The following PTTG1IP variants were observed in gnomAD, a reference collection of about 807,000 sequenced individuals.
PTTG1IP encodes the protein PTTG1 interacting protein.
Under a neutral mutation model 24.4 loss-of-function variants are expected in PTTG1IP, and 16 were observed. The ratio of observed to expected loss-of-function variants is 0.66; its 90% confidence interval spans 0.44 to 1.00. The LOEUF (loss-of-function observed/expected upper bound fraction) is 1.00, where lower values mean the gene tolerates loss of function less well. PTTG1IP is among the 50% of genes least tolerant of loss of function. PTTG1IP has a pLI of 0.00. For missense variants in PTTG1IP, 241 were observed against 245.8 expected (o/e 0.98, Z 0.13); for synonymous variants, 89 against 96.8 (o/e 0.92, Z 0.47).
chr21:44,858,411 G>A (rs956468384), intron 3 of PTTG1IP, among the ~76,000 whole-genome samples: 1 of 152,188 alleles, frequency 6.6e-6, no homozygotes, highest in Admixed American at 6.5e-5. Context: ...CTCTGCTCCC[G>A]TGGGCAAGGC....
chr21:44,859,906 A>C (rs1177973971), intron 3 of PTTG1IP, among the ~76,000 whole-genome samples: 1 of 152,242 alleles, frequency 6.6e-6, no homozygotes, highest in African/African-American at 2.4e-5. Context: ...GGGATCCAAG[A>C]TGCAAATAAA....
rs749966446 is a variant in PTTG1IP at position 44,851,468 on chromosome 21, C to A, written c.*113G>T. On this transcript the variant is annotated 3_prime_UTR_variant, in exon 6 of 6. Transcript: ENST00000330938. Reference sequence around the variant, plus strand: ...CCGGCCGCCTGTCCTGGAAGGCTGGCAGGTTCACTGGCCAAGGTCAGGAGA... The same window carrying A: ...CCGGCCGCCTGTCCTGGAAGGCTGGAAGGTTCACTGGCCAAGGTCAGGAGA... The A allele has an allele frequency of 6.2e-7, 1 of 1,611,454 alleles. No individual in the cohort carries two copies. The highest frequency in any genetic ancestry group is 2.2e-5 in the East Asian group (1 of 44,872).
At chr21:44,867,259 C>T (rs891337006) in intron 1 of PTTG1IP, among the ~76,000 whole-genome samples, 5 of 152,302 alleles carry the variant, frequency 3.3e-5, no homozygotes, top group Middle Eastern at 3.4e-3. Context: ...CACTGTTCAG[C>T]GATAAAAAGA....
rs2083449750 is a variant in PTTG1IP at position 44,856,340 on chromosome 21, G to A, written c.302C>T (p.Thr101Ile). The A allele has an allele frequency of 1.9e-6, 3 of 1,613,626 alleles. No homozygotes were observed. Among genetic ancestry groups the A allele is most frequent in the Non-Finnish European group, 2.5e-6 (3 of 1,179,646 alleles). ...CWVNFEALII[T>I]MSVVGGTLLL... ...GAGGGTTCCCCCGACTACCGACATG[G>A]TGATGATCAGCGCCTCAAAGTTCAC... is the stretch of plus-strand genomic sequence containing the variant. The change falls in exon 4 of 6, where the codon ACC becomes ATC. Residue 101 changes from threonine (T) to isoleucine (I), a missense_variant. Coordinates refer to ENST00000330938, the MANE Select transcript of PTTG1IP (RefSeq NM_004339.4).
At position 44,861,399 on chromosome 21, in the gene PTTG1IP, T is replaced by G. The variant is rs235276; in HGVS notation, c.169-128A>C. 1.6e-4 allele frequency: 117 copies of G among 717,722 alleles called. No individual in the cohort carries two copies. The Admixed American group carries it at 1.8e-3, about 11-fold the overall frequency. 44.5% of individuals were successfully genotyped at this position (717,722 alleles called of 1,614,324 possible). A position where few individuals can be genotyped will look rare whatever the true frequency, so the allele number is the denominator to read the frequency against. On this transcript the variant is annotated intron_variant, in intron 2 of 5. Coordinates refer to ENST00000330938, the MANE Select transcript of PTTG1IP (RefSeq NM_004339.4). ...TGGCTGTAAAGGCTCAACCTCCCCC[T>G]CAACGCCTCATCTCTGCCTTCACCC...
intron 1 of PTTG1IP, among the ~76,000 whole-genome samples, chr21:44,872,435 G>A (rs1339861671): frequency 6.6e-6 from 1 of 152,190 alleles, no homozygotes; most frequent in Non-Finnish European, 1.5e-5. Context: ...AAAAGTATTA[G>A]CCCCTCAAGC....
chr21:44,853,538 A>G lies in PTTG1IP; in HGVS notation c.496+1672T>C, dbSNP rs1482140896. Among the ~76,000 whole-genome samples, 4 of 151,506 alleles carry G rather than the reference A, an allele frequency of 2.6e-5. No homozygotes were observed. In the East Asian group the frequency reaches 7.8e-4, roughly 29 times the overall value. The stretch of plus-strand genomic sequence containing the variant: ...AAAAAAAAAAAAAAAATTAGGTGCC[A>G]AAAAGCTCTTGACTCTTCCATTTCA... On this transcript the variant is annotated intron_variant, in intron 5 of 5. Coordinates refer to ENST00000330938, the MANE Select transcript of PTTG1IP (RefSeq NM_004339.4).
intron 1 of PTTG1IP, among the ~76,000 whole-genome samples, chr21:44,867,504 C>G (rs1366265081): frequency 6.6e-6 from 1 of 152,204 alleles, no homozygotes; most frequent in Non-Finnish European, 1.5e-5. Context: ...GTGTAACTCA[C>G]TGAACAGCAC....
intron 4 of PTTG1IP, 135 bp from the exon 5 acceptor site, chr21:44,855,391 C>G (rs369963677): frequency 1.2e-4 from 112 of 911,176 alleles, no homozygotes; most frequent in East Asian, 7.9e-4. Flanking sequence ...CAGAGTGAAA[C>G]CAGGGTGAGG....
chr21:44,870,483 G>A (rs543920944), intron 1 of PTTG1IP, among the ~76,000 whole-genome samples: 19 of 121,076 alleles, frequency 1.6e-4, no homozygotes, highest in African/African-American at 2.2e-4. Flanking sequence ...CTGACATCAC[G>A]CCACTGCACT....
chr21:44,861,241 G>C lies in PTTG1IP; in HGVS notation c.199C>G (p.Leu67Val), dbSNP rs751093743. ...AAGACGCTTGTAACTGGGTAGTCCA[G>C]ACAAGCCTTGTTAGTGTTGCACCAA... ...CLWCNTNKAC[L>V]DYPVTSVLPP... The change falls in exon 3 of 6, where the codon CTG (leucine) becomes GTG (valine). Residue 67 changes from leucine to valine, a missense_variant. By Grantham distance (32) the Leu-to-Val change is conservative. Transcript: ENST00000330938. 1 of 1,614,062 alleles carries C rather than the reference G, an allele frequency of 6.2e-7. No individual in the cohort carries two copies. Among genetic ancestry groups the C allele is most frequent in the Admixed American group, 1.7e-5 (1 of 60,026 alleles).
At chr21:44,855,813 G>A (rs963486344) in intron 4 of PTTG1IP, among the ~76,000 whole-genome samples, 2 of 152,116 alleles carry the variant, frequency 1.3e-5, no homozygotes, top group African/African-American at 2.4e-5. Context: ...CCAGGGAAAG[G>A]GCGACAGGAG....
intron 1 of PTTG1IP, among the ~76,000 whole-genome samples, chr21:44,867,884 T>C (rs982472518): frequency 2.0e-5 from 3 of 152,248 alleles, no homozygotes; most frequent in African/African-American, 4.8e-5. Context: ...ATACATCGAG[T>C]ACATTGTTGT....
intron 2 of PTTG1IP, 101 bp downstream of exon 2, chr21:44,865,294 A>C: frequency 8.4e-7 from 1 of 1,190,650 alleles, no homozygotes; most frequent in Non-Finnish European, 1.2e-6. Flanking sequence ...CAAACAACAG[A>C]GCCCTCCACA....
At chr21:44,860,350 AAAATAAATAAAT>A (rs542162032) in intron 3 of PTTG1IP, among the ~76,000 whole-genome samples, 1 of 152,118 alleles carries the variant, frequency 6.6e-6, no homozygotes, top group Non-Finnish European at 1.5e-5. Context: ...GCCCGTCTCA[AAAATAAATAAAT>A]AAATAAATAA....
chr21:44,865,817 T>C, intron 1 of PTTG1IP: 1 of 292,134 alleles, frequency 3.4e-6, no homozygotes, highest in Non-Finnish European at 6.5e-6. Flanking sequence ...GACCTTCTGC[T>C]CATCAGCAGG....
intron 1 of PTTG1IP, among the ~76,000 whole-genome samples, chr21:44,866,232 AGCCTACTCCCC>A (rs2083535780): frequency 4.9e-5 from 3 of 61,462 alleles, no homozygotes; most frequent in African/African-American, 1.4e-4. Flanking sequence ...ACACACACAC[AGCCTACTCCCC>A]CAATCCCATA....
chr21:44,856,297 G>A lies in PTTG1IP; in HGVS notation c.345C>T (p.Ile115=). 2 of 1,614,204 alleles carry A rather than the reference G, an allele frequency of 1.2e-6. No individual in the cohort carries two copies. The highest frequency in any genetic ancestry group is 1.7e-6 in the Non-Finnish European group (2 of 1,180,026). The change falls in exon 4 of 6, where the codon ATC becomes ATT. Residue 115 remains isoleucine, a synonymous_variant. Transcript: ENST00000330938. The part of the protein sequence containing the change: ...VGGTLLLGIA[I]CCCCCCRRKR... ...TCCTCCTGCAGCAGCAGCAGCAGCA[G>A]ATGGCAATGCCCAGGAGGAGGGTTC...
Position 44,856,357 on chromosome 21 carries a change from A to C in PTTG1IP, c.285T>G (p.Phe95Leu), listed in dbSNP as rs199732063. The C allele has an allele frequency of 6.2e-7, 1 of 1,611,424 alleles. No homozygotes were observed. The highest frequency in any genetic ancestry group is 2.2e-5 in the East Asian group (1 of 44,832). The change falls in exon 4 of 6, where the codon TTT (phenylalanine) becomes TTG (leucine). Residue 95 changes from phenylalanine to leucine, a missense_variant. By Grantham distance (22) the Phe-to-Leu change is conservative. Transcript: ENST00000330938. Reference sequence around the variant, plus strand: ...CCGACATGGTGATGATCAGCGCCTCAAAGTTCACTGGAGATTCAAGCACCT... The same window carrying C: ...CCGACATGGTGATGATCAGCGCCTCCAAGTTCACTGGAGATTCAAGCACCT... ...SARWGVCWVN[F>L]EALIITMSVV...
Sources: gnomAD v4.1 joint callset for allele counts (sites outside exome capture counted in the v4.1 genomes callset) on GRCh38, gnomAD v4.1.1 for gene constraint, MANE v1.5 for transcripts, NCBI Gene and HGNC (gene_info 2026-07-23, HGNC 2026-07-21) for gene names.